Variants in BBX observed in about 807,000 individuals in gnomAD.
BBX encodes HMG box transcription factor BBX.
A neutral mutation model predicts 100.2 loss-of-function variants in BBX; 30 were observed. That is an observed-to-expected ratio of 0.30 (90% confidence interval 0.22 to 0.41). The LOEUF (loss-of-function observed/expected upper bound fraction) is 0.41. Among genes scored for constraint, BBX ranks in the 10% least tolerant of loss-of-function variants. The pLI is 1.00. For missense variants in BBX, 1,023 were observed against 1,129.8 expected, an observed-to-expected ratio of 0.91 and a Z score of 1.35; for synonymous variants, 376 against 388.1, an observed-to-expected ratio of 0.97 and a Z score of 0.37.
intron 2 of BBX, among the ~76,000 whole-genome samples, chr3:107,612,262 T>C (rs1198406173): frequency 6.6e-6 from 1 of 152,138 alleles, no homozygotes; most frequent in Non-Finnish European, 1.5e-5. Flanking sequence ...GATGATGTCA[T>C]GTTTTCCTGG....
At chr3:107,608,246 T>A (rs1391784841) in intron 2 of BBX, among the ~76,000 whole-genome samples, 3 of 152,234 alleles carry the variant, frequency 2.0e-5, no homozygotes, top group Non-Finnish European at 1.5e-5. Flanking sequence ...TTTATTTTTG[T>A]ATATGGTGAG....
At chr3:107,571,167 A>C (rs1024884971) in intron 2 of BBX, among the ~76,000 whole-genome samples, 2 of 152,042 alleles carry the variant, frequency 1.3e-5, no homozygotes, top group African/African-American at 4.8e-5. Flanking sequence ...GAAGGAGGTA[A>C]GTTTAAAGAG....
At chr3:107,771,822 A>G (rs1424907851) in intron 10 of BBX, among the ~76,000 whole-genome samples, 1 of 152,222 alleles carries the variant, frequency 6.6e-6, no homozygotes, top group East Asian at 1.9e-4. Flanking sequence ...TATCATTTCT[A>G]ATTTCAAGTG....
intron 2 of BBX, among the ~76,000 whole-genome samples, chr3:107,600,864 T>C (rs2107619357): frequency 6.6e-6 from 1 of 152,262 alleles, no homozygotes; most frequent in East Asian, 1.9e-4. Flanking sequence ...TGTCCATGTG[T>C]ACCTTGCTTT....
At chr3:107,795,613 CTTTTTTT>C (rs1158136233) in intron 15 of BBX, among the ~76,000 whole-genome samples, 5 of 60,034 alleles carry the variant, frequency 8.3e-5, no homozygotes, top group African/African-American at 2.2e-4. Flanking sequence ...CCGACGTAGT[CTTTTTTT>C]TTTTTTTTTT....
At chr3:107,634,387 T>C (rs949747978) in intron 2 of BBX, among the ~76,000 whole-genome samples, 2 of 152,198 alleles carry the variant, frequency 1.3e-5, no homozygotes, top group Admixed American at 1.3e-4. Flanking sequence ...CCATACAAAA[T>C]ATTCAGTAAG....
intron 2 of BBX, among the ~76,000 whole-genome samples, chr3:107,569,845 C>G (rs1457959130): frequency 6.6e-6 from 1 of 152,052 alleles, no homozygotes; most frequent in African/African-American, 2.4e-5. Context: ...TATGAGTTAC[C>G]CAAAGTGTCT....
At chr3:107,684,171 A>T (rs1333568028) in intron 3 of BBX, among the ~76,000 whole-genome samples, 2 of 152,178 alleles carry the variant, frequency 1.3e-5, no homozygotes, top group Non-Finnish European at 2.9e-5. Flanking sequence ...AACAAATATT[A>T]TAATGTGGTT....
intron 2 of BBX, among the ~76,000 whole-genome samples, chr3:107,607,211 C>G (rs1307040535): frequency 3.3e-5 from 5 of 152,130 alleles, no homozygotes; most frequent in African/African-American, 1.2e-4. Flanking sequence ...ATTCTCCTGC[C>G]TCAGCCTCCC....
At chr3:107,722,776 A>T (rs1692232135) in intron 5 of BBX, among the ~76,000 whole-genome samples, 1 of 152,040 alleles carries the variant, frequency 6.6e-6, no homozygotes, top group Admixed American at 6.6e-5. Flanking sequence ...ACAGCTAGCA[A>T]GAATAATTCA....
In BBX at chr3:107,772,762, A is replaced by G. The variant is rs373905471; in HGVS notation, c.1041A>G (p.Glu347=). 1.9e-6 allele frequency: 3 copies of G among 1,613,114 alleles called. No individual in the cohort carries two copies. Among genetic ancestry groups the G allele is most frequent in the Non-Finnish European group, 2.5e-6 (3 of 1,179,808 alleles). ...AAATTAAAATGGAGAAAACAGATGAAACTAGGTTACAGAAGGAAGCAGAAT... is the reference window on the plus strand; with the variant it reads ...AAATTAAAATGGAGAAAACAGATGAGACTAGGTTACAGAAGGAAGCAGAAT... ...EKEIKMEKTD[E]TRLQKEAEFE... is the part of the protein sequence containing the mutation. The change falls in exon 11 of 18, where the codon GAA becomes GAG. Residue 347 remains glutamate (E), a synonymous_variant. Coordinates refer to ENST00000325805, the MANE Select transcript of BBX (RefSeq NM_001142568.3).
chr3:107,810,855 TCATTTGAC>T lies in BBX; in HGVS notation c.*5401_*5408del, dbSNP rs2071256819. 1 of 152,200 alleles carries T rather than the reference TCATTTGAC, an allele frequency of 6.6e-6. No homozygotes were observed. The highest frequency in any genetic ancestry group is 1.5e-5 in the Non-Finnish European group (1 of 68,026). 9.4% of individuals were successfully genotyped at this position (152,200 alleles called of 1,614,324 possible). On this transcript the variant is annotated 3_prime_UTR_variant, in exon 18 of 18. Transcript: ENST00000325805. ...CACATGTCATAAATTAACCACAGCT[TCATTTGAC>T]CACCAGGTCTAAAGTCTGTTGACAG...
At chr3:107,584,036 T>TTA (rs1180511106) in intron 2 of BBX, among the ~76,000 whole-genome samples, 2 of 46,924 alleles carry the variant, frequency 4.3e-5, no homozygotes, top group African/African-American at 2.1e-4. Context: ...TATATATTAA[T>TTA]TATATATATT....
intron 2 of BBX, among the ~76,000 whole-genome samples, chr3:107,563,921 C>A (rs7615338): frequency 0.048 from 7,319 of 152,260 alleles, 557 homozygotes; most frequent in African/African-American, 0.16. Flanking sequence ...TATCCACCAA[C>A]TCCCCAAGCT....
At chr3:107,602,593 T>G (rs1304005789) in intron 2 of BBX, among the ~76,000 whole-genome samples, 1 of 152,172 alleles carries the variant, frequency 6.6e-6, no homozygotes, top group Non-Finnish European at 1.5e-5. Flanking sequence ...GGTGAAAATA[T>G]CAACATTAAC....
chr3:107,627,609 C>G (rs2056274871), intron 2 of BBX, among the ~76,000 whole-genome samples: 2 of 152,064 alleles, frequency 1.3e-5, no homozygotes, highest in African/African-American at 4.8e-5. Flanking sequence ...GTTATACATG[C>G]ATTTTTTATG....
intron 3 of BBX, among the ~76,000 whole-genome samples, chr3:107,655,511 A>AT (rs35368803): frequency 0.2 from 23,669 of 117,430 alleles, 2,639 homozygotes; most frequent in African/African-American, 0.3. Flanking sequence ...ATGATAATTA[A>AT]TTTTTTTTTT....
chr3:107,696,323 C>T (rs2060596265), intron 3 of BBX, among the ~76,000 whole-genome samples: 1 of 151,796 alleles, frequency 6.6e-6, no homozygotes, highest in Admixed American at 6.5e-5. Context: ...CATGATTTTG[C>T]AGTGGCTGGT....
chr3:107,701,432 T>A (rs1045031099), intron 3 of BBX, among the ~76,000 whole-genome samples: 1 of 152,208 alleles, frequency 6.6e-6, no homozygotes, highest in Admixed American at 6.5e-5. Context: ...GTATTAAGGA[T>A]TAAAGAAATT....
Sources: allele counts gnomAD v4.1 joint callset (sites outside exome capture counted in the v4.1 genomes callset), GRCh38; gene constraint gnomAD v4.1.1; transcripts MANE v1.5; gene names NCBI Gene and HGNC (gene_info 2026-07-23, HGNC 2026-07-21).